GALNT9: variants seen among roughly 807,000 people sequenced by gnomAD.
GALNT9 encodes the protein polypeptide N-acetylgalactosaminyltransferase 9, also known as GalNAc transferase 9.
In GALNT9, 47 loss-of-function variants were observed where a neutral mutation model predicts 63.1. The ratio of observed to expected loss-of-function variants is 0.75; its 90% CI spans 0.59 to 0.95. The LOEUF (loss-of-function observed/expected upper bound fraction) is 0.95, where lower values mean the gene tolerates loss of function less well. Among genes scored for constraint, GALNT9 ranks in the 40% least tolerant of loss-of-function variants. The pLI, the probability that GALNT9 is intolerant of heterozygous loss-of-function variation, is 0.00. For synonymous variants in GALNT9, 396 were observed against 365.7 expected, an observed-to-expected ratio of 1.08 and a Z score of -0.94; for missense variants, 829 against 874.8, an observed-to-expected ratio of 0.95 and a Z score of 0.66.
In GALNT9 at chr12:132,236,668, C is replaced by T. The variant is rs1365453405; in HGVS notation, c.1077+11242G>A. Among the ~76,000 whole-genome samples, 4 of 152,200 alleles carry T rather than the reference C, an allele frequency of 2.6e-5. No individual in the cohort carries two copies. The highest frequency in any genetic ancestry group is 7.2e-5 in the African/African-American group (3 of 41,444). ...TAATCAGCGAAAACCAAAGCCATCC[C>T]GAAGATCGCCCAGCCTCGCAAGGTG... On this transcript the variant is annotated intron_variant, in intron 6 of 10. Coordinates refer to ENST00000328957, the MANE Select transcript of GALNT9 (RefSeq NM_001122636.2). The surrounding 1 kb of genome is among the most constrained non-coding windows in gnomAD (Gnocchi z 5.6).
intron 6 of GALNT9, among the ~76,000 whole-genome samples, chr12:132,207,742 C>T (rs367868853): frequency 2.6e-4 from 40 of 152,304 alleles, no homozygotes; most frequent in African/African-American, 6.7e-4. Context: ...CCTGAGCTTT[C>T]GGGGTGTGTG....
At position 132,230,285 on chromosome 12, in the gene GALNT9, AC is replaced by A. The variant is rs1593073427; in HGVS notation, c.1077+17624del. On this transcript the variant is annotated intron_variant, in intron 6 of 10. Coordinates refer to ENST00000328957, the MANE Select transcript of GALNT9 (RefSeq NM_001122636.2). Reference sequence around the variant, plus strand: ...CTTGTGATGGGGGCCGCCACACAGGACAGCATCCGCCTTCCCGAGTTCCTGA... The same window carrying A: ...CTTGTGATGGGGGCCGCCACACAGGAAGCATCCGCCTTCCCGAGTTCCTGA... 6.6e-5 allele frequency among the ~76,000 whole-genome samples: 10 copies of A among 152,316 alleles called. No individual in the cohort carries two copies. The East Asian group carries it at 1.9e-3, about 29-fold the overall frequency.
intron 4 of GALNT9, among the ~76,000 whole-genome samples, chr12:132,259,453 T>C (rs1555239500): frequency 6.6e-6 from 1 of 151,976 alleles, no homozygotes; most frequent in Non-Finnish European, 1.5e-5. Context: ...CTGATAAACA[T>C]CGAGGGAAAG....
chr12:132,248,144 C>G lies in GALNT9; in HGVS notation c.960-117G>C. ...ACCACCCCTCCCTCCTGTGCCTCCT[C>G]CCTGTGCACTCAGGTCCCTGTGCTC... On this transcript the variant is annotated intron_variant, in intron 5 of 10. Transcript: ENST00000328957. 5 of 1,402,336 alleles carry G rather than the reference C, an allele frequency of 3.6e-6. No individual in the cohort carries two copies. In the South Asian group the frequency reaches 4.4e-5, roughly 12 times the overall value. 86.9% of individuals were successfully genotyped at this position (1,402,336 alleles called of 1,614,324 possible).
At chr12:132,301,709 C>A (rs1290471727) in intron 1 of GALNT9, among the ~76,000 whole-genome samples, 8 of 152,260 alleles carry the variant, frequency 5.3e-5, no homozygotes, top group African/African-American at 1.2e-4. Flanking sequence ...GGAGGCCAAG[C>A]CCTCCCTGGC....
intron 1 of GALNT9, among the ~76,000 whole-genome samples, chr12:132,307,075 G>A (rs1484354285): frequency 6.6e-6 from 1 of 152,120 alleles, no homozygotes; most frequent in African/African-American, 2.4e-5. Flanking sequence ...TCCTCTCGAT[G>A]GACCCTGAGG....
At chr12:132,228,490 C>A (rs988311203) in intron 6 of GALNT9, among the ~76,000 whole-genome samples, 2 of 150,424 alleles carry the variant, frequency 1.3e-5, no homozygotes, top group Admixed American at 6.6e-5. Flanking sequence ...CCAGTCAGCA[C>A]CTCCTCGCTC....
chr12:132,271,450 A>T (rs1879863099), intron 2 of GALNT9, among the ~76,000 whole-genome samples: 2 of 152,210 alleles, frequency 1.3e-5, no homozygotes, highest in African/African-American at 4.8e-5. Context: ...ACACCATAAA[A>T]TTAAGAGATT....
At chr12:132,239,349 G>GAGAGAGACACACAGAGACAGAGAC (rs1565995096) in intron 6 of GALNT9, among the ~76,000 whole-genome samples, 1 of 145,566 alleles carries the variant, frequency 6.9e-6, no homozygotes, top group South Asian at 2.3e-4. Flanking sequence ...CAGAGACAGA[G>GAGAGAGACACACAGAGACAGAGAC]TCAGAGACAG....
chr12:132,311,324 C>G (rs897722905), intron 1 of GALNT9, among the ~76,000 whole-genome samples: 4 of 152,200 alleles, frequency 2.6e-5, no homozygotes, highest in African/African-American at 2.4e-5. Context: ...ACTGGGGGAC[C>G]TGCCTTCAGG....
At position 132,327,612 on chromosome 12, in the gene GALNT9, G is replaced by T. The variant is rs1046678100; in HGVS notation, c.238+1354C>A. Among the ~76,000 whole-genome samples the T allele has an allele frequency of 6.6e-6, 1 of 152,188 alleles. No individual in the cohort carries two copies. The highest frequency in any genetic ancestry group is 2.4e-5 in the African/African-American group (1 of 41,446). On this transcript the variant is annotated intron_variant, in intron 1 of 10. Transcript: ENST00000328957. This position sits in a 1 kb window ranked among gnomAD's most constrained non-coding sequence, Gnocchi z 4.3. ...GGGAGATGAATTGCTCTGCCGGGCG[G>T]CTGGGCGGCTGCTTGAACTACTTTT...
At chr12:132,261,170 G>A (rs1348403213) in intron 3 of GALNT9, 48 bp from the exon 4 acceptor site, 17 of 1,539,964 alleles carry the variant, frequency 1.1e-5, no homozygotes, top group African/African-American at 5.5e-5. Flanking sequence ...TGGCAGGCGC[G>A]GGGCCACCAA....
intron 1 of GALNT9, among the ~76,000 whole-genome samples, chr12:132,318,958 G>A (rs1201843159): frequency 3.3e-5 from 5 of 152,334 alleles, no homozygotes; most frequent in Non-Finnish European, 5.9e-5. Flanking sequence ...GGGGCCTCCC[G>A]CCTTTCAGGG....
chr12:132,322,011 A>T (rs1381555273), intron 1 of GALNT9, among the ~76,000 whole-genome samples: 1 of 39,892 alleles, frequency 2.5e-5, no homozygotes, highest in East Asian at 7.8e-4. Context: ...CCAAACCCCC[A>T]CTGTCTCTCC....
Position 132,329,103 on chromosome 12 carries a change from G to C in GALNT9, c.101C>G (p.Ser34Cys). 6.5e-7 allele frequency: 1 copy of C among 1,549,290 alleles called. No homozygotes were observed. Among genetic ancestry groups the C allele is most frequent in the Non-Finnish European group, 8.7e-7 (1 of 1,146,560 alleles). ...GCTCACGATGCGCACGAGCTCCTGG[G>C]AGCGGCCCTGCAGGCGGCAGTACAC... ...FSVYCRLQGR[S>C]QELVRIVSGD... is the part of the protein sequence containing the mutation. The change falls in exon 1 of 11, where the codon TCC (serine) becomes TGC (cysteine). Residue 34 changes from serine (S) to cysteine (C), a missense_variant. Ser to Cys is a moderately radical substitution (Grantham distance 112). Coordinates refer to ENST00000328957, the MANE Select transcript of GALNT9 (RefSeq NM_001122636.2).
chr12:132,196,466 C>CCCCAACCCCCAGCTCGGCT lies in GALNT9; in HGVS notation c.*622_*640dup, dbSNP rs1875513824. On this transcript the variant is annotated 3_prime_UTR_variant, in exon 11 of 11. Coordinates refer to ENST00000328957, the MANE Select transcript of GALNT9 (RefSeq NM_001122636.2). ...TGCCTGGGAAAGAGGTGGGACCGGG[C>CCCCAACCCCCAGCTCGGCT]CCCAACCCCCAGCTCGGCTCCCAGG... is the stretch of plus-strand genomic sequence containing the variant. 1.0e-6 allele frequency: 1 copy of CCCCAACCCCCAGCTCGGCT among 985,388 alleles called. No individual in the cohort carries two copies. Among genetic ancestry groups the CCCCAACCCCCAGCTCGGCT allele is most frequent in the South Asian group, 4.7e-5 (1 of 21,284 alleles). 61.0% of individuals were successfully genotyped at this position (985,388 alleles called of 1,614,324 possible).
At chr12:132,276,906 A>G (rs1329346118) in intron 2 of GALNT9, among the ~76,000 whole-genome samples, 1 of 149,336 alleles carries the variant, frequency 6.7e-6, no homozygotes, top group Non-Finnish European at 1.5e-5. Flanking sequence ...ACACACACAC[A>G]TGCACACATG....
intron 2 of GALNT9, among the ~76,000 whole-genome samples, chr12:132,268,808 T>C (rs545148600): frequency 4.0e-5 from 6 of 151,822 alleles, no homozygotes; most frequent in African/African-American, 1.2e-4. Flanking sequence ...ATCAGGGAGC[T>C]GCCACTCGGA....
Position 132,319,105 on chromosome 12 carries a change from T to A in GALNT9, c.238+9861A>T, listed in dbSNP as rs143124853. ...CAAGCCTGCAGCGTGCGTGCCTTCA[T>A]GTGAGGTGTGCTCCCCATGGTTGAA... On this transcript the variant is annotated intron_variant, in intron 1 of 10. Transcript: ENST00000328957. The surrounding 1 kb of genome is among the most constrained non-coding windows in gnomAD (Gnocchi z 5.2). Among the ~76,000 whole-genome samples the A allele has an allele frequency of 7.2e-4, 109 of 152,214 alleles. 2 individuals carry two copies. In the East Asian group the frequency reaches 0.018, roughly 26 times the overall value.
Sources: allele counts gnomAD v4.1 joint callset (sites outside exome capture counted in the v4.1 genomes callset), GRCh38; gene constraint gnomAD v4.1.1; non-coding constraint Gnocchi (gnomAD v3.1); transcripts MANE v1.5; gene names NCBI Gene and HGNC (gene_info 2026-07-23, HGNC 2026-07-21).